The following LZTR1 variants were observed in gnomAD, a reference collection of about 807,000 sequenced individuals.
The protein encoded by LZTR1 is leucine-zipper-like transcriptional regulator 1.
In LZTR1, 260 loss-of-function variants were observed where a neutral mutation model predicts 105.7. The observed-to-expected ratio is 2.46, with a 90% CI of 2.22 to 2.72. The LOEUF is 2.72. LZTR1 is among the 30% of genes most tolerant of loss of function. The pLI, the probability that LZTR1 is intolerant of heterozygous loss-of-function variation, is 0.00. For missense variants in LZTR1, 1,214 were observed against 1,166.9 expected (o/e 1.04, Z -0.59); for synonymous variants, 490 against 476.4 (o/e 1.03, Z -0.37).
Position 20,982,320 on chromosome 22 carries a change from G to T in LZTR1, c.-52G>T, listed in dbSNP as rs1924218766. The T allele has an allele frequency of 2.9e-6, 4 of 1,400,434 alleles. No individual in the cohort carries two copies. The South Asian group carries it at 5.3e-5, about 19-fold the overall frequency. The allele number at this position is 1,400,434 out of a possible 1,614,324, so 86.8% of individuals were successfully genotyped here. A position where few individuals can be genotyped will look rare whatever the true frequency, so the allele number is the denominator to read the frequency against. ...ATGTGGTTTCTCCAGCCGGCCCGGG[G>T]CGGTGGCCGCAAGTTGGGCTTACAG... On this transcript the variant is annotated 5_prime_UTR_variant, in exon 1 of 21. Coordinates refer to ENST00000646124, the MANE Select transcript of LZTR1 (RefSeq NM_006767.4).
Position 20,992,778 on chromosome 22 carries a change from C to A in LZTR1, c.1150-16C>A. On this transcript the variant is annotated splice_polypyrimidine_tract_variant and intron_variant, in intron 10 of 20. Transcript: ENST00000646124. ...TCTGCTCCCCCACCATTCCACCCTG[C>A]CTTCTTGTCCCCCAGCTGCCCAGTG... is the stretch of plus-strand genomic sequence containing the variant. The A allele has an allele frequency of 6.6e-7, 1 of 1,515,748 alleles. No individual in the cohort carries two copies. Among genetic ancestry groups the A allele is most frequent in the Non-Finnish European group, 9.0e-7 (1 of 1,106,768 alleles). The allele number at this position is 1,515,748 out of a possible 1,614,324, so 93.9% of individuals were successfully genotyped here. A position where few individuals can be genotyped will look rare whatever the true frequency, so the allele number is the denominator to read the frequency against.
intron 18 of LZTR1, chr22:20,996,462 C>T (rs1924849487): frequency 1.7e-6 from 1 of 595,376 alleles, no homozygotes; most frequent in African/African-American, 1.9e-5. Flanking sequence ...CCTGTTAGGC[C>T]TGCAAGGCCA....
intron 8 of LZTR1, 102 bp downstream of exon 8, chr22:20,990,627 C>G (rs1311881384): frequency 7.8e-7 from 1 of 1,276,860 alleles, no homozygotes; most frequent in African/African-American, 1.5e-5. Flanking sequence ...TGGTAACCAT[C>G]CTTGTGAGCT....
chr22:20,987,808 G>C (rs185584681), intron 4 of LZTR1, among the ~76,000 whole-genome samples: 3 of 152,362 alleles, frequency 2.0e-5, no homozygotes, highest in African/African-American at 7.2e-5. Flanking sequence ...TTACTGAGCT[G>C]TGGCTGGGAA....
chr22:20,985,393 A>C (rs1924343296), intron 2 of LZTR1, among the ~76,000 whole-genome samples: 1 of 151,320 alleles, frequency 6.6e-6, no homozygotes, highest in Non-Finnish European at 1.5e-5. Context: ...AAGAAGTGGC[A>C]GGAAGATCAG....
At chr22:20,993,840 G>A in intron 12 of LZTR1, 84 bp from the exon 13 acceptor site, 1 of 1,567,536 alleles carries the variant, frequency 6.4e-7, no homozygotes, top group South Asian at 1.1e-5. Flanking sequence ...TGCTGGCCTG[G>A]TGGTGCTGAC....
At chr22:20,987,456 C>A in intron 3 of LZTR1, 48 bp from the exon 4 acceptor site, 1 of 1,116,936 alleles carries the variant, frequency 9.0e-7, no homozygotes, top group Non-Finnish European at 1.4e-6. Flanking sequence ...GGGTGTGGAC[C>A]TCATGGGTGA....
rs1339976521 is a variant in LZTR1, at chr22:20,997,256, T to C, written c.2431T>C (p.Ser811Pro). 2.5e-6 allele frequency: 4 copies of C among 1,613,718 alleles called. No individual in the cohort carries two copies. Among genetic ancestry groups the C allele is most frequent in the South Asian group, 1.1e-5 (1 of 91,086 alleles). ...TKVSKLPTLR[S>P]LSQQLLLDII... ...GGTCTCCAAGTTGCCCACCCTGCGG[T>C]CGCTGAGCCAGCAGCTGCTGCTGGA... The change falls in exon 21 of 21, where the codon TCG becomes CCG. Residue 811 changes from serine to proline, a missense_variant. Physicochemically the swap from Ser to Pro is moderately conservative, Grantham distance 74 (BLOSUM62 -1). Transcript: ENST00000646124.
In LZTR1 at chr22:20,982,391, C is replaced by CG. The variant is rs587777613; in HGVS notation, c.27dup (p.Gln10AlafsTer24). The CG allele has an allele frequency of 6.5e-5, 101 of 1,558,132 alleles. No homozygotes were observed. Among genetic ancestry groups the CG allele is most frequent in the East Asian group, 1.7e-4 (7 of 41,828 alleles). ...CCCGGGATGGCTGGACCGGGCAGCA[C>CG]GGGGGGGCAGATCGGGGCTGCGGCC... is the stretch of plus-strand genomic sequence containing the variant. On this transcript the variant is annotated frameshift_variant, in exon 1 of 21. Coordinates refer to ENST00000646124, the MANE Select transcript of LZTR1 (RefSeq NM_006767.4). LOFTEE classifies it high-confidence loss of function.
In LZTR1 at chr22:20,996,985, C is replaced by A; in HGVS notation, c.2406+19C>A. ...CACCAAGGTCAGGGCTCTGGCCTCC[C>A]CTTCAGGACTCGCTTCCCCTTGGCA... On this transcript the variant is annotated intron_variant, in intron 20 of 20. Transcript: ENST00000646124. 3 of 1,611,452 alleles carry A rather than the reference C, an allele frequency of 1.9e-6. No individual in the cohort carries two copies. The highest frequency in any genetic ancestry group is 1.1e-5 in the South Asian group (1 of 91,040).
In LZTR1 at chr22:20,990,396, G is replaced by C; in HGVS notation, c.662G>C (p.Ser221Thr). The change falls in exon 8 of 21, where the codon AGT becomes ACT. Residue 221 changes from serine (S) to threonine (T), a missense_variant. Ser to Thr is a moderately conservative substitution (Grantham distance 58, BLOSUM62 1). Coordinates refer to ENST00000646124, the MANE Select transcript of LZTR1 (RefSeq NM_006767.4). ...ELTCWEEVAQ[S>T]GEIPPSCCNF... Reference sequence around the variant, plus strand: ...CCTCTCCCCCTGCAGGTGGCCCAGAGTGGCGAGATCCCCCCATCTTGCTGC... The same window carrying C: ...CCTCTCCCCCTGCAGGTGGCCCAGACTGGCGAGATCCCCCCATCTTGCTGC... The C allele has an allele frequency of 6.2e-7, 1 of 1,614,146 alleles. No homozygotes were observed. The highest frequency in any genetic ancestry group is 8.5e-7 in the Non-Finnish European group (1 of 1,180,032).
In LZTR1 at chr22:20,987,503, G is replaced by A. The variant is rs532811225; in HGVS notation, c.321-1G>A. The A allele has an allele frequency of 1.2e-6, 2 of 1,610,894 alleles. No individual in the cohort carries two copies. The highest frequency in any genetic ancestry group is 1.7e-6 in the Non-Finnish European group (2 of 1,177,222). On this transcript the variant is annotated splice_acceptor_variant, in intron 3 of 20. Coordinates refer to ENST00000646124, the MANE Select transcript of LZTR1 (RefSeq NM_006767.4). LOFTEE classifies it high-confidence loss of function. ...TCTCACCACCCCTGTGCCCACCCCA[G>A]GGCCTTTACCACTGGGACCCCACCG...
chr22:20,993,433 C>T (rs1924675559), intron 11 of LZTR1: 4 of 586,326 alleles, frequency 6.8e-6, no homozygotes, highest in South Asian at 6.1e-5. Flanking sequence ...CAGGGGAGCC[C>T]TTTCCTGCTG....
chr22:20,992,267 C>A lies in LZTR1; in HGVS notation c.1047C>A (p.Thr349=), dbSNP rs1405231936. ...CCTGTGCTTCCGAGGAGGTGCCCAC[C>A]CTGACCTATGAGGAGCGGGTTGGCT... ...ERACASEEVP[T]LTYEERVGFK... The change falls in exon 10 of 21, where the codon ACC becomes ACA. Residue 349 remains threonine, a synonymous_variant. Coordinates refer to ENST00000646124, the MANE Select transcript of LZTR1 (RefSeq NM_006767.4). 6.2e-7 allele frequency: 1 copy of A among 1,613,984 alleles called. No homozygotes were observed. Among genetic ancestry groups the A allele is most frequent in the East Asian group, 2.2e-5 (1 of 44,872 alleles).
chr22:20,998,763 G>C lies in LZTR1; in HGVS notation c.*1415G>C, dbSNP rs1221015938. 6.6e-6 allele frequency: 1 copy of C among 152,116 alleles called. No individual in the cohort carries two copies. The highest frequency in any genetic ancestry group is 2.4e-5 in the African/African-American group (1 of 41,408). 9.4% of individuals were successfully genotyped at this position (152,116 alleles called of 1,614,324 possible). On this transcript the variant is annotated 3_prime_UTR_variant, in exon 21 of 21. Coordinates refer to ENST00000646124, the MANE Select transcript of LZTR1 (RefSeq NM_006767.4). ...GGCTGGGGAGGATATGTCAGCACCT[G>C]GAAGTGGAGTGCAGGCTGCAGCGCC...
chr22:20,994,451 T>A, intron 14 of LZTR1, 107 bp from the exon 15 acceptor site: 1 of 1,352,868 alleles, frequency 7.4e-7, no homozygotes, highest in Non-Finnish European at 1.0e-6. Flanking sequence ...GAGGCCTTGT[T>A]CCTACCTAGT....
Position 20,985,862 on chromosome 22 carries a change from C to T in LZTR1, c.285C>T (p.Leu95=), listed in dbSNP as rs932030455. The T allele has an allele frequency of 6.2e-7, 1 of 1,614,192 alleles. No homozygotes were observed. Among genetic ancestry groups the T allele is most frequent in the Non-Finnish European group, 8.5e-7 (1 of 1,180,028 alleles). ...TCAGGAAGACCATGCTCAATGACCT[C>T]CTGCGGTTCGATGTGAAAGACTGCT... is the stretch of plus-strand genomic sequence containing the variant. ...GDNGKTMLND[L]LRFDVKDCSW... Residue 95 remains leucine, a synonymous_variant, in exon 3 of 21, where the codon CTC becomes CTT. Coordinates refer to ENST00000646124, the MANE Select transcript of LZTR1 (RefSeq NM_006767.4).
Position 20,990,467 on chromosome 22 carries a change from G to A in LZTR1, c.733G>A (p.Gly245Arg). Residue 245 changes from glycine to arginine, a missense_variant, in exon 8 of 21, where the codon GGG becomes AGG. By Grantham distance (125) the Gly-to-Arg change is moderately radical (BLOSUM62 -2). Transcript: ENST00000646124. ...CCGGGACAAGATGTTTGTATTCTCT[G>A]GGCAAAGCGGAGCCAAAATAACCAA... ...VCRDKMFVFS[G>R]QSGAKITNNL... 6.2e-7 allele frequency: 1 copy of A among 1,613,984 alleles called. No homozygotes were observed. The highest frequency in any genetic ancestry group is 8.5e-7 in the Non-Finnish European group (1 of 1,179,960).
Position 20,997,279 on chromosome 22 carries a change from G to A in LZTR1, c.2454G>A (p.Leu818=). 1.9e-6 allele frequency: 3 copies of A among 1,613,882 alleles called. No individual in the cohort carries two copies. The highest frequency in any genetic ancestry group is 1.3e-5 in the African/African-American group (1 of 75,052). The change falls in exon 21 of 21, where the codon CTG becomes CTA. Residue 818 remains leucine (L), a synonymous_variant. Transcript: ENST00000646124. ...TLRSLSQQLL[L]DIIDSLASHI... is the part of the protein sequence containing the mutation. ...GGTCGCTGAGCCAGCAGCTGCTGCT[G>A]GACATCATAGACTCCCTGGCCTCCC...
Sources: gnomAD v4.1 joint callset for allele counts (sites outside exome capture counted in the v4.1 genomes callset) on GRCh38, gnomAD v4.1.1 for gene constraint, MANE v1.5 for transcripts, NCBI Gene and HGNC (gene_info 2026-07-23, HGNC 2026-07-21) for gene names.